ADCY8: variants seen among roughly 807,000 people sequenced by gnomAD.
ADCY8 encodes the protein adenylate cyclase 8.
In ADCY8, 51 loss-of-function variants were observed where a neutral mutation model predicts 119.7. The ratio of observed to expected loss-of-function variants is 0.43; its 90% confidence interval spans 0.34 to 0.54. ADCY8 has a LOEUF of 0.54. ADCY8 is among the 20% of genes least tolerant of loss of function. The probability of loss-of-function intolerance (pLI) is 0.03; values close to 1 mark genes in which losing one functional copy is unlikely to be tolerated. For missense variants in ADCY8, 1,383 were observed against 1,598.8 expected (o/e 0.87, Z 2.30); for synonymous variants, 665 against 651.0 (o/e 1.02, Z -0.33).
chr8:130,969,563 C>T (rs757359204), intron 2 of ADCY8, among the ~76,000 whole-genome samples: 32 of 152,122 alleles, frequency 2.1e-4, no homozygotes, highest in Non-Finnish European at 3.8e-4. Context: ...CATGTGAAGA[C>T]CCTGTATTGA....
intron 5 of ADCY8, among the ~76,000 whole-genome samples, chr8:130,926,284 T>G (rs1820464411): frequency 6.6e-6 from 1 of 151,512 alleles, no homozygotes; most frequent in Admixed American, 6.6e-5. Context: ...CTAGCATGAC[T>G]CATTGTTCAA....
intron 2 of ADCY8, among the ~76,000 whole-genome samples, chr8:130,970,153 G>T (rs1223123194): frequency 9.2e-5 from 14 of 152,114 alleles, no homozygotes; most frequent in Admixed American, 2.0e-4. Context: ...GCAGTCCCCA[G>T]TTCCTGGGCC....
chr8:131,003,627 T>C (rs1274773108), intron 1 of ADCY8, among the ~76,000 whole-genome samples: 1 of 83,436 alleles, frequency 1.2e-5, no homozygotes, highest in Non-Finnish European at 2.4e-5. Flanking sequence ...ACAGTCCTGC[T>C]TGGGCTTATT....
intron 13 of ADCY8, among the ~76,000 whole-genome samples, chr8:130,819,080 G>A (rs764526433): frequency 5.3e-5 from 8 of 152,114 alleles, no homozygotes; most frequent in Non-Finnish European, 1.0e-4. Flanking sequence ...CTAACAACCC[G>A]ATGAAGTAGA....
At chr8:130,861,417 T>G (rs942366459) in intron 9 of ADCY8, among the ~76,000 whole-genome samples, 2 of 152,198 alleles carry the variant, frequency 1.3e-5, no homozygotes, top group East Asian at 3.8e-4. Context: ...GTTAAATTTA[T>G]ATTTAAGTAT....
At chr8:130,807,198 T>C (rs17324385) in intron 14 of ADCY8, among the ~76,000 whole-genome samples, 36,926 of 152,180 alleles carry the variant, frequency 0.24, 4,563 homozygotes, top group East Asian at 0.26. Context: ...AACTATAGTC[T>C]GGTCCTTCAC....
At chr8:130,958,624 A>G (rs1482338771) in intron 2 of ADCY8, among the ~76,000 whole-genome samples, 2 of 152,138 alleles carry the variant, frequency 1.3e-5, no homozygotes, top group African/African-American at 4.8e-5. Flanking sequence ...TGTGCAGGGG[A>G]ACTCATGTTT....
chr8:130,873,034 T>C (rs1224284116), intron 8 of ADCY8, among the ~76,000 whole-genome samples: 1 of 152,240 alleles, frequency 6.6e-6, no homozygotes, highest in Non-Finnish European at 1.5e-5. Context: ...TCTGATCACA[T>C]GCAAAACAAA....
intron 12 of ADCY8, among the ~76,000 whole-genome samples, chr8:130,824,921 A>G (rs554022116): frequency 2.6e-5 from 4 of 152,186 alleles, no homozygotes; most frequent in Non-Finnish European, 5.9e-5. Flanking sequence ...CCTCCCAAAT[A>G]GTCTTTCTGC....
At chr8:130,821,639 G>A (rs142954270) in intron 12 of ADCY8, among the ~76,000 whole-genome samples, 160 of 152,346 alleles carry the variant, frequency 1.1e-3, no homozygotes, top group Middle Eastern at 3.4e-3. Flanking sequence ...TATGGTGAAA[G>A]AGATTCTAGA....
At chr8:130,827,453 A>T (rs995243664) in intron 12 of ADCY8, among the ~76,000 whole-genome samples, 1 of 152,190 alleles carries the variant, frequency 6.6e-6, no homozygotes, top group African/African-American at 2.4e-5. Flanking sequence ...CTATGTAAAC[A>T]TCATACCTGA....
intron 2 of ADCY8, among the ~76,000 whole-genome samples, chr8:130,987,312 G>T (rs1822431520): frequency 6.6e-6 from 1 of 151,968 alleles, no homozygotes; most frequent in Admixed American, 6.6e-5. Flanking sequence ...ATACACTATT[G>T]CCATACATGT....
At chr8:130,890,304 ACTAAC>A (rs1000802356) in intron 7 of ADCY8, among the ~76,000 whole-genome samples, 14 of 152,256 alleles carry the variant, frequency 9.2e-5, no homozygotes, top group African/African-American at 3.4e-4. Flanking sequence ...TACATATGTA[ACTAAC>A]CTGCACGTTG....
chr8:130,930,414 G>T (rs1294780760), intron 5 of ADCY8, among the ~76,000 whole-genome samples: 6 of 152,092 alleles, frequency 3.9e-5, no homozygotes, highest in Admixed American at 1.3e-4. Flanking sequence ...ACGAAGCCTG[G>T]CTAATTTTTT....
chr8:130,992,677 A>G (rs1831322), intron 1 of ADCY8, among the ~76,000 whole-genome samples: 63,745 of 151,248 alleles, frequency 0.42, 13,841 homozygotes, highest in East Asian at 0.79. Context: ...GGCCTCCCAA[A>G]GTGCTGGGAT....
intron 11 of ADCY8, among the ~76,000 whole-genome samples, chr8:130,839,416 C>A (rs774246837): frequency 7.2e-6 from 1 of 138,950 alleles, no homozygotes; most frequent in African/African-American, 2.5e-5. Flanking sequence ...TGATATGAAC[C>A]GTGGGACATC....
At chr8:130,917,431 G>C (rs959314849) in intron 5 of ADCY8, among the ~76,000 whole-genome samples, 15 of 152,184 alleles carry the variant, frequency 9.9e-5, no homozygotes, top group African/African-American at 3.6e-4. Context: ...ATGGTGTTTG[G>C]ATACTTTGCT....
intron 14 of ADCY8, among the ~76,000 whole-genome samples, chr8:130,811,563 G>C (rs947478400): frequency 2.0e-5 from 3 of 152,192 alleles, no homozygotes; most frequent in African/African-American, 7.2e-5. Flanking sequence ...TCCTGGAAGA[G>C]CGGTATTATC....
intron 9 of ADCY8, among the ~76,000 whole-genome samples, chr8:130,852,335 A>C (rs1230909149): frequency 6.6e-6 from 1 of 152,150 alleles, no homozygotes; most frequent in East Asian, 1.9e-4. Context: ...GTTCTATATA[A>C]GAACAGAAGG....
Sources: allele counts gnomAD v4.1 joint callset (sites outside exome capture counted in the v4.1 genomes callset), GRCh38; gene constraint gnomAD v4.1.1; transcripts MANE v1.5; gene names NCBI Gene and HGNC (gene_info 2026-07-23, HGNC 2026-07-21).